KCNB2: variants seen among roughly 807,000 people sequenced by gnomAD.
KCNB2 encodes delayed rectifier potassium channel protein.
A neutral mutation model predicts 61.5 loss-of-function variants in KCNB2; 15 were observed. That is an observed-to-expected ratio of 0.24 (90% CI 0.16 to 0.38). The LOEUF is 0.38. KCNB2 is among the 10% of genes least tolerant of loss of function. The probability of loss-of-function intolerance (pLI) is 1.00; values close to 1 mark genes in which losing one functional copy is unlikely to be tolerated. For missense variants in KCNB2, 828 were observed against 1,125.2 expected, an observed-to-expected ratio of 0.74 and a Z score of 3.78; for synonymous variants, 457 against 446.0, an observed-to-expected ratio of 1.02 and a Z score of -0.31.
rs185611123 is a variant in KCNB2, at chr8:72,872,823, G to A, written c.580-63112G>A. On this transcript the variant is annotated intron_variant, in intron 2 of 2. Coordinates refer to ENST00000523207, the MANE Select transcript of KCNB2 (RefSeq NM_004770.3). ...GAACAAGTCTAAAATATCCTGAGGG[G>A]TTAGCTTATCTGCCTAGCACAACTT... Among the ~76,000 whole-genome samples the A allele has an allele frequency of 2.2e-4, 34 of 152,250 alleles. 1 individual carries two copies. The highest frequency in any genetic ancestry group is 2.0e-3 in the Admixed American group (30 of 15,290).
At chr8:72,674,895 A>G (rs992292825) in intron 2 of KCNB2, among the ~76,000 whole-genome samples, 1 of 152,228 alleles carries the variant, frequency 6.6e-6, no homozygotes, top group Non-Finnish European at 1.5e-5. Flanking sequence ...CCAACTATAT[A>G]GTGATAAAAA....
chr8:72,729,958 G>T (rs1358746840), intron 2 of KCNB2, among the ~76,000 whole-genome samples: 2 of 152,066 alleles, frequency 1.3e-5, no homozygotes, highest in Non-Finnish European at 2.9e-5. Flanking sequence ...TTAATGGGGG[G>T]CAGAGAATAA....
At chr8:72,695,099 A>G (rs1806998549) in intron 2 of KCNB2, among the ~76,000 whole-genome samples, 1 of 152,140 alleles carries the variant, frequency 6.6e-6, no homozygotes. Context: ...TACCAAGTTT[A>G]GAGGAATCAT....
rs577184865 is a variant in KCNB2 at position 72,603,089 on chromosome 8, A to G, written c.579+34776A>G. Among the ~76,000 whole-genome samples the G allele has an allele frequency of 6.0e-4, 91 of 152,198 alleles. 1 individual carries two copies. Among genetic ancestry groups the G allele is most frequent in the Non-Finnish European group, 1.1e-3 (74 of 68,036 alleles). ...AATTTAACCTCAGGACATCTCTTGC[A>G]TAGCCTTCTAACTGGTATCCTTGTC... On this transcript the variant is annotated intron_variant, in intron 2 of 2. Coordinates refer to ENST00000523207, the MANE Select transcript of KCNB2 (RefSeq NM_004770.3).
intron 2 of KCNB2, among the ~76,000 whole-genome samples, chr8:72,629,439 C>T (rs1406748665): frequency 1.3e-5 from 2 of 152,186 alleles, no homozygotes; most frequent in African/African-American, 4.8e-5. Flanking sequence ...GAAAAACAAA[C>T]TTCTCTTCCA....
At chr8:72,935,848 A>G in intron 2 of KCNB2, 87 bp from the exon 3 acceptor site, 1 of 867,296 alleles carries the variant, frequency 1.2e-6, no homozygotes, top group East Asian at 2.4e-5. Context: ...AGCATTCCAT[A>G]TTAGTTAAAC....
At chr8:72,794,935 TG>T (rs541166196) in intron 2 of KCNB2, among the ~76,000 whole-genome samples, 1 of 147,530 alleles carries the variant, frequency 6.8e-6, no homozygotes, top group Non-Finnish European at 1.5e-5. Context: ...AAGTAACCAC[TG>T]GAAAAAAAAA....
intron 2 of KCNB2, among the ~76,000 whole-genome samples, chr8:72,836,274 T>A (rs1340376473): frequency 2.6e-5 from 4 of 152,254 alleles, no homozygotes; most frequent in Admixed American, 6.5e-5. Flanking sequence ...GTAAATTTCT[T>A]TTCAAAGAAG....
At chr8:72,921,830 A>T (rs1446595714) in intron 2 of KCNB2, among the ~76,000 whole-genome samples, 1 of 152,158 alleles carries the variant, frequency 6.6e-6, no homozygotes. Flanking sequence ...TCTCCAAATT[A>T]AACTGGTTTT....
chr8:72,568,222 AAGG>A lies in KCNB2; in HGVS notation c.491_493del (p.Gly164del), dbSNP rs781586935. On this transcript the variant is annotated inframe_deletion, in exon 2 of 3. Coordinates refer to ENST00000523207, the MANE Select transcript of KCNB2 (RefSeq NM_004770.3). ...GAGGCAGAGACTATGCGAGAGCGAG[AAGG>A]AGAAGAGTTTGATAATACCTGCTGC... The A allele has an allele frequency of 5.6e-6, 9 of 1,614,054 alleles. No homozygotes were observed. In the African/African-American group the frequency reaches 1.2e-4, roughly 22 times the overall value.
intron 2 of KCNB2, among the ~76,000 whole-genome samples, chr8:72,933,336 G>C (rs556411359): frequency 6.6e-6 from 1 of 152,192 alleles, no homozygotes. Flanking sequence ...AGGACTGAAG[G>C]CCCCCTTGGA....
Position 72,582,283 on chromosome 8 carries a change from C to CA in KCNB2, c.579+13971dup, listed in dbSNP as rs1198934550. 1.1e-4 allele frequency among the ~76,000 whole-genome samples: 16 copies of CA among 152,328 alleles called. No homozygotes were observed. The East Asian group carries it at 3.1e-3, about 29-fold the overall frequency. On this transcript the variant is annotated intron_variant, in intron 2 of 2. Transcript: ENST00000523207. ...ACTGCAGCAGAGGGACCGCAGAAGG[C>CA]ATCCTGTTCAGGGCTTTAAGGAACT...
At chr8:72,872,389 G>C (rs188947165) in intron 2 of KCNB2, among the ~76,000 whole-genome samples, 150 of 152,202 alleles carry the variant, frequency 9.9e-4, no homozygotes, top group African/African-American at 3.5e-3. Context: ...CTCATAAACC[G>C]GCTTTCTTTG....
intron 2 of KCNB2, among the ~76,000 whole-genome samples, chr8:72,677,636 G>T (rs1294395532): frequency 6.6e-6 from 1 of 152,028 alleles, no homozygotes; most frequent in Non-Finnish European, 1.5e-5. Flanking sequence ...TTTATTTTAT[G>T]CCATCTGTCA....
chr8:72,837,310 G>C lies in KCNB2; in HGVS notation c.580-98625G>C, dbSNP rs1055876985. On this transcript the variant is annotated intron_variant, in intron 2 of 2. Coordinates refer to ENST00000523207, the MANE Select transcript of KCNB2 (RefSeq NM_004770.3). Reference sequence around the variant, plus strand: ...TACAGTTAGAAGCTCTTGTGCCTCTGTTCATTGACTGAACTACCATTATGT... The same window carrying C: ...TACAGTTAGAAGCTCTTGTGCCTCTCTTCATTGACTGAACTACCATTATGT... Among the ~76,000 whole-genome samples, 8 of 152,278 alleles carry C rather than the reference G, an allele frequency of 5.3e-5. No homozygotes were observed. In the East Asian group the frequency reaches 1.4e-3, roughly 26 times the overall value.
intron 2 of KCNB2, among the ~76,000 whole-genome samples, chr8:72,685,551 C>T (rs1239980219): frequency 3.9e-5 from 6 of 152,102 alleles, no homozygotes; most frequent in South Asian, 2.1e-4. Flanking sequence ...TCCAGAGAGC[C>T]ATGGGAACGA....
Position 72,682,966 on chromosome 8 carries a change from G to C in KCNB2, c.579+114653G>C, listed in dbSNP as rs141646170. Among the ~76,000 whole-genome samples the C allele has an allele frequency of 2.1e-3, 323 of 152,260 alleles. 1 individual carries two copies. The highest frequency in any genetic ancestry group is 3.5e-3 in the Non-Finnish European group (235 of 68,012). ...TGATAAAATAACATCATTGAGATAA[G>C]ATTGCTTCCAAATACTAGAAAAAGT... On this transcript the variant is annotated intron_variant, in intron 2 of 2. Coordinates refer to ENST00000523207, the MANE Select transcript of KCNB2 (RefSeq NM_004770.3).
intron 2 of KCNB2, among the ~76,000 whole-genome samples, chr8:72,768,683 T>A (rs1306243512): frequency 6.6e-6 from 1 of 152,186 alleles, no homozygotes; most frequent in Admixed American, 6.5e-5. Flanking sequence ...CCTAAGAATT[T>A]TATAGTGTAT....
intron 2 of KCNB2, among the ~76,000 whole-genome samples, chr8:72,852,763 A>G (rs927716778): frequency 6.6e-6 from 1 of 152,214 alleles, no homozygotes; most frequent in Admixed American, 6.5e-5. Flanking sequence ...TTAATTGTCC[A>G]TCATTTTAGA....
Sources: gnomAD v4.1 joint callset for allele counts (sites outside exome capture counted in the v4.1 genomes callset) on GRCh38, gnomAD v4.1.1 for gene constraint, MANE v1.5 for transcripts, NCBI Gene and HGNC (gene_info 2026-07-23, HGNC 2026-07-21) for gene names.